The following COL22A1 variants were observed in gnomAD, a reference collection of about 807,000 sequenced individuals.
COL22A1 encodes collagen type XXII alpha 1 chain.
A neutral mutation model predicts 248.9 loss-of-function variants in COL22A1; 221 were observed. That is an observed-to-expected ratio of 0.89 (90% CI 0.80 to 0.99). The LOEUF (loss-of-function observed/expected upper bound fraction) is 0.99, where lower values mean the gene tolerates loss of function less well. COL22A1 is among the 50% of genes least tolerant of loss of function. The pLI is 0.00. For synonymous variants in COL22A1, 891 were observed against 793.4 expected (o/e 1.12, Z -2.07); for missense variants, 2,240 against 2,179.0 (o/e 1.03, Z -0.56).
intron 49 of COL22A1, among the ~76,000 whole-genome samples, chr8:138,633,858 A>C (rs1820926498): frequency 6.6e-6 from 1 of 152,232 alleles, no homozygotes; most frequent in Admixed American, 6.5e-5. Context: ...AATTCCCTAC[A>C]ATATCCTTCA....
At chr8:138,699,468 T>A (rs2130965507) in intron 32 of COL22A1, among the ~76,000 whole-genome samples, 1 of 152,372 alleles carries the variant, frequency 6.6e-6, no homozygotes, top group East Asian at 1.9e-4. Context: ...AACAATGGCA[T>A]GTTTTCTGGC....
chr8:138,722,862 G>GA (rs1829996912), intron 25 of COL22A1, among the ~76,000 whole-genome samples: 1 of 96,770 alleles, frequency 1.0e-5, no homozygotes, highest in African/African-American at 3.8e-5. Context: ...GGGGGGGGGT[G>GA]GTGGAAAACA....
intron 36 of COL22A1, among the ~76,000 whole-genome samples, chr8:138,689,671 T>C (rs556850431): frequency 4.9e-4 from 74 of 152,158 alleles, no homozygotes; most frequent in African/African-American, 1.7e-3. Context: ...GCCAAGATCA[T>C]GCCACTGCAC....
At chr8:138,835,786 C>G (rs1331166145) in intron 4 of COL22A1, among the ~76,000 whole-genome samples, 1 of 152,028 alleles carries the variant, frequency 6.6e-6, no homozygotes, top group Non-Finnish European at 1.5e-5. Context: ...CGAGCCTCAA[C>G]CTCTCTGGGC....
chr8:138,616,089 A>G, intron 54 of COL22A1, 35 bp from the exon 55 acceptor site: 1 of 1,569,694 alleles, frequency 6.4e-7, no homozygotes, highest in Non-Finnish European at 8.8e-7. Context: ...AGGGAAGGAG[A>G]TGCTTCAGCC....
chr8:138,656,520 G>A (rs528208388), intron 44 of COL22A1, among the ~76,000 whole-genome samples: 1 of 152,302 alleles, frequency 6.6e-6, no homozygotes, highest in East Asian at 1.9e-4. Flanking sequence ...GTAGGAGTCT[G>A]CAGGTGGATG....
chr8:138,775,358 G>A (rs1488723133), intron 16 of COL22A1, among the ~76,000 whole-genome samples: 1 of 152,176 alleles, frequency 6.6e-6, no homozygotes, highest in African/African-American at 2.4e-5. Flanking sequence ...AGCACATATG[G>A]CGGAATCCAA....
chr8:138,815,402 C>T (rs888229504), intron 7 of COL22A1, among the ~76,000 whole-genome samples: 1 of 152,144 alleles, frequency 6.6e-6, no homozygotes, highest in African/African-American at 2.4e-5. Context: ...TGTATCAGAG[C>T]TGTCGACAAT....
At chr8:138,654,302 T>C (rs1180851757) in intron 45 of COL22A1, among the ~76,000 whole-genome samples, 1 of 152,166 alleles carries the variant, frequency 6.6e-6, no homozygotes, top group Non-Finnish European at 1.5e-5. Flanking sequence ...TGATTTCTTG[T>C]CATGTCCTTG....
intron 12 of COL22A1, among the ~76,000 whole-genome samples, chr8:138,793,093 C>T (rs1180219368): frequency 6.6e-6 from 1 of 152,120 alleles, no homozygotes; most frequent in Non-Finnish European, 1.5e-5. Context: ...AATTACAATT[C>T]CAAATATATA....
rs1297472878 is a variant in COL22A1 at position 138,805,789 on chromosome 8, C to G, written c.1494+1979G>C. ...GTATGTGATAGTGTAGGTGATGGTG[C>G]GTGATGGTGTGTGTCTGTATGTGTG... On this transcript the variant is annotated intron_variant, in intron 10 of 64. Transcript: ENST00000303045. 6.6e-5 allele frequency among the ~76,000 whole-genome samples: 4 copies of G among 60,668 alleles called. No homozygotes were observed. The East Asian group carries it at 1.4e-3, about 21-fold the overall frequency. The allele number at this position is 60,668 out of a possible 152,430, so 39.8% of individuals were successfully genotyped here. A position where few individuals can be genotyped will look rare whatever the true frequency, so the allele number is the denominator to read the frequency against.
intron 47 of COL22A1, among the ~76,000 whole-genome samples, chr8:138,640,680 A>G (rs964572746): frequency 1.3e-5 from 2 of 152,192 alleles, no homozygotes; most frequent in African/African-American, 4.8e-5. Context: ...TGAAGCAAGT[A>G]TTATGAGGAC....
At chr8:138,663,951 C>G (rs1449549909) in intron 41 of COL22A1, among the ~76,000 whole-genome samples, 1 of 151,924 alleles carries the variant, frequency 6.6e-6, no homozygotes, top group Non-Finnish European at 1.5e-5. Flanking sequence ...CCTCCATTTG[C>G]TCCTCAACTG....
At chr8:138,845,000 A>G (rs1354972045) in intron 3 of COL22A1, among the ~76,000 whole-genome samples, 1 of 152,002 alleles carries the variant, frequency 6.6e-6, no homozygotes, top group Non-Finnish European at 1.5e-5. Context: ...GAAACCTCCA[A>G]GTCAGTAGGA....
At chr8:138,604,479 C>T (rs1818274528) in intron 59 of COL22A1, among the ~76,000 whole-genome samples, 1 of 152,214 alleles carries the variant, frequency 6.6e-6, no homozygotes, top group African/African-American at 2.4e-5. Flanking sequence ...TTGTTGATAG[C>T]TTGGATGCTG....
chr8:138,772,121 CA>C (rs34677455), intron 16 of COL22A1, among the ~76,000 whole-genome samples: 38 of 152,248 alleles, frequency 2.5e-4, no homozygotes, highest in African/African-American at 8.7e-4. Context: ...CGCACATCGC[CA>C]AAAAGTCCCA....
At chr8:138,795,574 G>A (rs913218828) in intron 12 of COL22A1, among the ~76,000 whole-genome samples, 4 of 141,472 alleles carry the variant, frequency 2.8e-5, no homozygotes, top group African/African-American at 1.2e-4. Context: ...GTGTCATATT[G>A]TATACACATT....
At chr8:138,690,925 T>C (rs1196582291) in intron 35 of COL22A1, 51 bp from the exon 36 acceptor site, 1 of 1,460,422 alleles carries the variant, frequency 6.8e-7, no homozygotes, top group Non-Finnish European at 9.4e-7. Flanking sequence ...TTAGAAGTAG[T>C]TGCCCCCACT....
chr8:138,703,480 C>T (rs941985646), intron 30 of COL22A1, 133 bp from the exon 31 acceptor site: 9 of 698,688 alleles, frequency 1.3e-5, no homozygotes, highest in Non-Finnish European at 2.3e-5. Context: ...GGTAGGTGCA[C>T]CCTGCACCTA....
Sources: allele counts gnomAD v4.1 joint callset (sites outside exome capture counted in the v4.1 genomes callset), GRCh38; gene constraint gnomAD v4.1.1; transcripts MANE v1.5; gene names NCBI Gene and HGNC (gene_info 2026-07-23, HGNC 2026-07-21).